The following ITPR2 variants were observed in gnomAD, a reference collection of about 807,000 sequenced individuals.
ITPR2 encodes the protein inositol 1,4,5-trisphosphate-gated calcium channel ITPR2.
Under a neutral mutation model 317.1 loss-of-function variants are expected in ITPR2, and 207 were observed. That is an observed-to-expected ratio of 0.65 (90% CI 0.58 to 0.73). The LOEUF (loss-of-function observed/expected upper bound fraction) is 0.73. Among genes scored for constraint, ITPR2 ranks in the 30% least tolerant of loss-of-function variants. ITPR2 has a pLI of 0.00. For synonymous variants in ITPR2, 1,156 were observed against 1,149.1 expected (o/e 1.01, Z -0.12); for missense variants, 2,613 against 3,284.0 (o/e 0.80, Z 4.99).
chr12:26,581,985 C>T (rs1485549299), intron 32 of ITPR2, among the ~76,000 whole-genome samples: 1 of 152,136 alleles, frequency 6.6e-6, no homozygotes, highest in South Asian at 2.1e-4. Flanking sequence ...CAGAAATTTG[C>T]TTTTTAGTCA....
At chr12:26,366,596 G>T (rs1939019278) in intron 55 of ITPR2, among the ~76,000 whole-genome samples, 2 of 152,114 alleles carry the variant, frequency 1.3e-5, no homozygotes, top group Admixed American at 1.3e-4. Context: ...GTTTTAAAGA[G>T]AATACTCCTC....
At chr12:26,363,657 G>T (rs1347090351) in intron 55 of ITPR2, among the ~76,000 whole-genome samples, 1 of 152,118 alleles carries the variant, frequency 6.6e-6, no homozygotes, top group East Asian at 1.9e-4. Flanking sequence ...AAAAGGTGGG[G>T]CTTAAAACCT....
intron 2 of ITPR2, among the ~76,000 whole-genome samples, chr12:26,784,357 C>CCCCGCGG (rs1555191425): frequency 2.4e-5 from 1 of 42,540 alleles, no homozygotes; most frequent in Non-Finnish European, 5.4e-5. Context: ...CTCCCTCTCC[C>CCCCGCGG]TCTCCCTCCA....
intron 37 of ITPR2, among the ~76,000 whole-genome samples, chr12:26,540,747 T>C (rs980859094): frequency 6.6e-6 from 1 of 152,274 alleles, no homozygotes. Context: ...AAAATGAATA[T>C]AATTCATCCA....
Position 26,411,382 on chromosome 12 carries a change from G to C in ITPR2, c.7337C>G (p.Thr2446Ser). The change falls in exon 52 of 57, where the codon ACT (threonine) becomes AGT (serine). Residue 2446 changes from threonine (T) to serine (S), a missense_variant. Coordinates refer to ENST00000381340, the MANE Select transcript of ITPR2 (RefSeq NM_002223.4). ...GSHQVPTMTL[T>S]TMMEACAKEN... Reference sequence around the variant, plus strand: ...CTTGGCACATGCTTCCATCATGGTAGTTAAAGTCATAGTAGGCACTTGATG... The same window carrying C: ...CTTGGCACATGCTTCCATCATGGTACTTAAAGTCATAGTAGGCACTTGATG... The C allele has an allele frequency of 6.2e-7, 1 of 1,613,490 alleles. No individual in the cohort carries two copies. The highest frequency in any genetic ancestry group is 8.5e-7 in the Non-Finnish European group (1 of 1,179,600).
At chr12:26,740,344 CG>C (rs1263551124) in intron 2 of ITPR2, among the ~76,000 whole-genome samples, 1 of 152,044 alleles carries the variant, frequency 6.6e-6, no homozygotes. Context: ...TGTTAAAATC[CG>C]TGAGCTCATA....
At chr12:26,487,991 T>G (rs748142195) in intron 39 of ITPR2, among the ~76,000 whole-genome samples, 1 of 152,152 alleles carries the variant, frequency 6.6e-6, no homozygotes, top group Non-Finnish European at 1.5e-5. Flanking sequence ...AAAATGTATC[T>G]TTGTAAGATG....
At chr12:26,614,930 A>C (rs1290239730) in intron 26 of ITPR2, among the ~76,000 whole-genome samples, 2 of 152,246 alleles carry the variant, frequency 1.3e-5, no homozygotes, top group Non-Finnish European at 2.9e-5. Flanking sequence ...ATAAAGAATG[A>C]ACCTTAATAA....
At chr12:26,610,941 T>C (rs919553823) in intron 26 of ITPR2, among the ~76,000 whole-genome samples, 5 of 152,148 alleles carry the variant, frequency 3.3e-5, no homozygotes, top group Non-Finnish European at 7.3e-5. Context: ...CCTCCTCCCA[T>C]CTCCCCGCAC....
chr12:26,410,294 C>T (rs530431626), intron 52 of ITPR2, among the ~76,000 whole-genome samples: 11 of 152,124 alleles, frequency 7.2e-5, no homozygotes, highest in Admixed American at 1.3e-4. Flanking sequence ...GTGCTGGTGA[C>T]GGCTGCCCAC....
At chr12:26,525,064 C>T (rs949719490) in intron 37 of ITPR2, among the ~76,000 whole-genome samples, 1 of 152,154 alleles carries the variant, frequency 6.6e-6, no homozygotes, top group African/African-American at 2.4e-5. Flanking sequence ...TAGTGATGAG[C>T]TGTGATATTG....
At chr12:26,592,157 T>C (rs990509613) in intron 32 of ITPR2, among the ~76,000 whole-genome samples, 1 of 152,184 alleles carries the variant, frequency 6.6e-6, no homozygotes, top group Non-Finnish European at 1.5e-5. Flanking sequence ...CACACAAAGA[T>C]AAATTTTGCC....
At chr12:26,488,879 G>T (rs1460365958) in intron 39 of ITPR2, among the ~76,000 whole-genome samples, 2 of 152,112 alleles carry the variant, frequency 1.3e-5, no homozygotes, top group Admixed American at 1.3e-4. Flanking sequence ...ACAGTGTGAT[G>T]AATAGAGTGC....
In ITPR2 at chr12:26,597,149, A is replaced by C; in HGVS notation, c.4003-15T>G. 3 of 1,613,212 alleles carry C rather than the reference A, an allele frequency of 1.9e-6. No individual in the cohort carries two copies. The highest frequency in any genetic ancestry group is 2.5e-6 in the Non-Finnish European group (3 of 1,179,828). On this transcript the variant is annotated splice_polypyrimidine_tract_variant and intron_variant, in intron 30 of 56. Coordinates refer to ENST00000381340, the MANE Select transcript of ITPR2 (RefSeq NM_002223.4). The stretch of plus-strand genomic sequence containing the variant: ...CCATTTATCAACTGAAATGATAATA[A>C]GAGAGTCTATGTAGCAGTCCGAACA...
At chr12:26,829,562 C>T (rs549012281) in intron 1 of ITPR2, among the ~76,000 whole-genome samples, 16 of 152,152 alleles carry the variant, frequency 1.1e-4, no homozygotes, top group Non-Finnish European at 1.8e-4. Context: ...GGCTGGATCA[C>T]GGCATTCTTA....
chr12:26,643,605 G>T (rs889978421), intron 21 of ITPR2, among the ~76,000 whole-genome samples: 1 of 152,218 alleles, frequency 6.6e-6, no homozygotes, highest in Admixed American at 6.5e-5. Flanking sequence ...GTCATTCAGA[G>T]GAGGTATCAG....
At chr12:26,645,159 C>T (rs1947085000) in intron 21 of ITPR2, among the ~76,000 whole-genome samples, 1 of 152,200 alleles carries the variant, frequency 6.6e-6, no homozygotes, top group Non-Finnish European at 1.5e-5. Flanking sequence ...CATGCTAATC[C>T]TCTCCCAGAG....
At chr12:26,763,661 T>C (rs1949674581) in intron 2 of ITPR2, among the ~76,000 whole-genome samples, 1 of 152,134 alleles carries the variant, frequency 6.6e-6, no homozygotes. Flanking sequence ...CTTCCCCACT[T>C]CCATTGTTTC....
rs1354939680 is a variant in ITPR2, at chr12:26,340,304, G to A, written c.7882C>T (p.Arg2628Trp). 8 of 1,604,084 alleles carry A rather than the reference G, an allele frequency of 5.0e-6. No individual in the cohort carries two copies. The highest frequency in any genetic ancestry group is 1.3e-5 in the African/African-American group (1 of 74,598). The change falls in exon 56 of 57, where the codon CGG (arginine) becomes TGG (tryptophan). Residue 2628 changes from arginine to tryptophan, a missense_variant. Coordinates refer to ENST00000381340, the MANE Select transcript of ITPR2 (RefSeq NM_002223.4). ...CTAACGAGGGACATGGCTCGCATCC[G>A]AGGAAACCAATCCAAATTCTTCTCC... is the stretch of plus-strand genomic sequence containing the variant. ...IVEKNLDWFP[R>W]MRAMSLVSNE...
Sources: allele counts gnomAD v4.1 joint callset (sites outside exome capture counted in the v4.1 genomes callset), GRCh38; gene constraint gnomAD v4.1.1; transcripts MANE v1.5; gene names NCBI Gene and HGNC (gene_info 2026-07-23, HGNC 2026-07-21).